The following IPCEF1 variants were observed in gnomAD, a reference collection of about 807,000 sequenced individuals.
The protein encoded by IPCEF1 is interaction protein for cytohesin exchange factors 1.
In IPCEF1, 31 loss-of-function variants were observed where a neutral mutation model predicts 50.9. The observed-to-expected ratio is 0.61, with a 90% confidence interval of 0.46 to 0.82. The LOEUF (loss-of-function observed/expected upper bound fraction) is 0.82. IPCEF1 is among the 40% of genes least tolerant of loss of function. The probability of loss-of-function intolerance (pLI) is 0.00; values close to 1 mark genes in which losing one functional copy is unlikely to be tolerated. For synonymous variants in IPCEF1, 181 were observed against 192.0 expected (o/e 0.94, Z 0.47); for missense variants, 458 against 514.0 (o/e 0.89, Z 1.05).
intron 1 of IPCEF1, among the ~76,000 whole-genome samples, chr6:154,303,140 G>A (rs1188612566): frequency 1.4e-5 from 2 of 138,918 alleles, no homozygotes; most frequent in Non-Finnish European, 3.0e-5. Flanking sequence ...CACCCAGGCT[G>A]GAGTGCAATG....
chr6:154,252,349 C>T (rs766517147), intron 3 of IPCEF1, among the ~76,000 whole-genome samples: 1 of 152,068 alleles, frequency 6.6e-6, no homozygotes, highest in Non-Finnish European at 1.5e-5. Context: ...TAGGTCCAAA[C>T]CTTCCAGTAC....
intron 3 of IPCEF1, among the ~76,000 whole-genome samples, chr6:154,263,193 G>A (rs533626993): frequency 8.7e-5 from 13 of 149,516 alleles, no homozygotes; most frequent in Admixed American, 7.3e-4. Flanking sequence ...ATTAAATCTT[G>A]ACCACAGGAC....
At chr6:154,250,121 A>G (rs1271710931) in intron 3 of IPCEF1, among the ~76,000 whole-genome samples, 1 of 152,194 alleles carries the variant, frequency 6.6e-6, no homozygotes, top group African/African-American at 2.4e-5. Context: ...ATTGGTTTAT[A>G]TGAGACAGTG....
At chr6:154,223,350 A>C in intron 5 of IPCEF1, 107 bp from the exon 6 acceptor site, 1 of 869,476 alleles carries the variant, frequency 1.2e-6, no homozygotes, top group Non-Finnish European at 1.9e-6. Context: ...CATGAGGGAG[A>C]ATCAAGAGAT....
At chr6:154,256,016 ATCTT>A (rs1483581097) in intron 3 of IPCEF1, among the ~76,000 whole-genome samples, 1 of 152,100 alleles carries the variant, frequency 6.6e-6, no homozygotes, top group African/African-American at 2.4e-5. Flanking sequence ...TCTATATTCT[ATCTT>A]TCTTAGCATT....
At chr6:154,257,051 A>G (rs1461405239) in intron 3 of IPCEF1, among the ~76,000 whole-genome samples, 1 of 152,208 alleles carries the variant, frequency 6.6e-6, no homozygotes, top group African/African-American at 2.4e-5. Flanking sequence ...GATATTTTCA[A>G]TTTATTACAG....
rs1401681544 is a variant in IPCEF1, at chr6:154,199,821, C to CTTTTTT, written c.756_757insAAAAAA (p.Glu252_Ala253insLysLys). 1 of 1,614,188 alleles carries CTTTTTT rather than the reference C, an allele frequency of 6.2e-7. No homozygotes were observed. The highest frequency in any genetic ancestry group is 2.2e-5 in the East Asian group (1 of 44,876). On this transcript the variant is annotated inframe_insertion, in exon 10 of 12. Transcript: ENST00000367220. ...TTTTCCAGGGCCTTGTGGATGCCTG[C>CTTTTTT]CTCTGAGGGTACAGGTGAATGAACT...
chr6:154,241,983 G>A (rs1431544623), intron 5 of IPCEF1, among the ~76,000 whole-genome samples: 1 of 152,114 alleles, frequency 6.6e-6, no homozygotes, highest in Non-Finnish European at 1.5e-5. Flanking sequence ...TCCCAGTTCT[G>A]CTATTTACTC....
intron 5 of IPCEF1, among the ~76,000 whole-genome samples, chr6:154,238,061 C>T (rs1780281225): frequency 6.6e-6 from 1 of 152,132 alleles, no homozygotes; most frequent in Admixed American, 6.5e-5. Flanking sequence ...ATAATTCTTA[C>T]AGCCATCAGA....
rs185775432 is a variant in IPCEF1 at position 154,312,593 on chromosome 6, G to A, written c.-61-22837C>T. On this transcript the variant is annotated intron_variant, in intron 1 of 11. Coordinates refer to ENST00000367220, the MANE Select transcript of IPCEF1 (RefSeq NM_001130700.2). Reference sequence around the variant, plus strand: ...GAACTCCTGACCTCATGATCCGCCCGCCTCAGCCTCCCAAAGTGCTGGGAT... The same window carrying A: ...GAACTCCTGACCTCATGATCCGCCCACCTCAGCCTCCCAAAGTGCTGGGAT... Among the ~76,000 whole-genome samples the A allele has an allele frequency of 5.0e-3, 761 of 152,032 alleles. 5 individuals carry two copies. The highest frequency in any genetic ancestry group is 8.0e-3 in the Non-Finnish European group (545 of 67,962).
At chr6:154,296,938 G>A (rs1287429432) in intron 1 of IPCEF1, among the ~76,000 whole-genome samples, 1 of 152,210 alleles carries the variant, frequency 6.6e-6, no homozygotes, top group Non-Finnish European at 1.5e-5. Context: ...AGCCACAGTG[G>A]AAGTCAGGAG....
intron 5 of IPCEF1, 132 bp downstream of exon 5, chr6:154,246,459 A>G (rs946878086): frequency 9.2e-7 from 1 of 1,086,636 alleles, no homozygotes; most frequent in African/African-American, 1.6e-5. Context: ...AATGGCTTCT[A>G]TAACTTATTT....
intron 1 of IPCEF1, among the ~76,000 whole-genome samples, chr6:154,302,988 T>C (rs750287412): frequency 1.3e-5 from 2 of 152,078 alleles, no homozygotes; most frequent in South Asian, 2.1e-4. Flanking sequence ...TCACTACTTA[T>C]CATCTTTAGT....
At chr6:154,342,659 T>C (rs1278752098) in intron 1 of IPCEF1, among the ~76,000 whole-genome samples, 1 of 152,106 alleles carries the variant, frequency 6.6e-6, no homozygotes, top group African/African-American at 2.4e-5. Flanking sequence ...AGGCTGGATT[T>C]TGCTGTTACT....
rs560330016 is a variant in IPCEF1 at position 154,304,433 on chromosome 6, A to G, written c.-61-14677T>C. ...TGTGATGCAATTTAATAGACAGATA[A>G]ACTTAGCATGAATTATTACAGGAAG... On this transcript the variant is annotated intron_variant, in intron 1 of 11. Coordinates refer to ENST00000367220, the MANE Select transcript of IPCEF1 (RefSeq NM_001130700.2). Among the ~76,000 whole-genome samples, 7 of 152,242 alleles carry G rather than the reference A, an allele frequency of 4.6e-5. No individual in the cohort carries two copies. In the South Asian group the frequency reaches 1.5e-3, roughly 32 times the overall value.
intron 1 of IPCEF1, among the ~76,000 whole-genome samples, chr6:154,342,948 C>G (rs1007018875): frequency 3.3e-5 from 5 of 152,120 alleles, no homozygotes; most frequent in African/African-American, 1.2e-4. Context: ...CCTGTCTCTA[C>G]AGAAAATACA....
chr6:154,323,321 G>C (rs1169583457), intron 1 of IPCEF1, among the ~76,000 whole-genome samples: 1 of 151,950 alleles, frequency 6.6e-6, no homozygotes, highest in East Asian at 1.9e-4. Flanking sequence ...CTTGCTCCTT[G>C]GGGACAGGGA....
At chr6:154,172,878 T>C (rs547016846) in intron 10 of IPCEF1, among the ~76,000 whole-genome samples, 2 of 152,354 alleles carry the variant, frequency 1.3e-5, no homozygotes, top group Admixed American at 1.3e-4. Flanking sequence ...CTGACCCTCA[T>C]GTAGCCTGAC....
intron 1 of IPCEF1, among the ~76,000 whole-genome samples, chr6:154,292,217 C>T (rs1275104753): frequency 6.6e-6 from 1 of 152,200 alleles, no homozygotes; most frequent in East Asian, 1.9e-4. Flanking sequence ...ATTTGACTGA[C>T]TGTTCCTTCA....
Sources: gnomAD v4.1 joint callset for allele counts (sites outside exome capture counted in the v4.1 genomes callset) on GRCh38, gnomAD v4.1.1 for gene constraint, MANE v1.5 for transcripts, NCBI Gene and HGNC (gene_info 2026-07-23, HGNC 2026-07-21) for gene names.